TMEM17: variants seen among roughly 807,000 people sequenced by gnomAD.
TMEM17 encodes transmembrane protein 17.
TMEM17 carries 15 observed loss-of-function variants against 19.1 expected under a neutral mutation model. That is an observed-to-expected ratio of 0.78 (90% CI 0.52 to 1.21). The LOEUF (loss-of-function observed/expected upper bound fraction) is 1.21. Ranked by LOEUF, TMEM17 falls within the 50% of genes most tolerant of loss-of-function variation. The pLI, the probability that TMEM17 is intolerant of heterozygous loss-of-function variation, is 0.00. For synonymous variants in TMEM17, 103 were observed against 86.9 expected (o/e 1.19, Z -1.03); for missense variants, 245 against 242.3 (o/e 1.01, Z -0.07).
At chr2:62,478,259 T>A in the TMEM17 span, among the ~76,000 whole-genome samples, 3 of 152,204 alleles carry the variant, frequency 2.0e-5, no homozygotes, top group Non-Finnish European at 2.9e-5. Context: ...TTTTCCTGAA[T>A]CCATCTCAGT....
the TMEM17 span, among the ~76,000 whole-genome samples, chr2:62,477,144 C>A: frequency 2.6e-5 from 4 of 152,236 alleles, no homozygotes; most frequent in African/African-American, 9.6e-5. Flanking sequence ...CGCCTGTAAT[C>A]CCAGCACTTT....
downstream of TMEM17, among the ~76,000 whole-genome samples, chr2:62,495,984 T>C (rs1320374127): frequency 1.3e-5 from 2 of 152,250 alleles, no homozygotes; most frequent in Non-Finnish European, 2.9e-5. Context: ...TGTTGCTGAC[T>C]GCGACCAGCT....
Position 62,501,188 on chromosome 2 carries a change from T to G in TMEM17, c.*21A>C. ...ACAGTCTCTAGAATGATCTGTCAGA[T>G]TTTCACTCAACAACACTGGATCAGA... is the stretch of plus-strand genomic sequence containing the variant. On this transcript the variant is annotated 3_prime_UTR_variant, in exon 4 of 4. Coordinates refer to ENST00000335390, the MANE Select transcript of TMEM17 (RefSeq NM_198276.3). 1 of 1,604,500 alleles carries G rather than the reference T, an allele frequency of 6.2e-7. No individual in the cohort carries two copies. The highest frequency in any genetic ancestry group is 8.5e-7 in the Non-Finnish European group (1 of 1,173,874).
chr2:62,457,181 A>T, the TMEM17 span, among the ~76,000 whole-genome samples: 1 of 151,970 alleles, frequency 6.6e-6, no homozygotes, highest in Non-Finnish European at 1.5e-5. The surrounding 1 kb of genome is among the most constrained non-coding windows in gnomAD (Gnocchi z 4.2). Context: ...GGGATCGGCG[A>T]CCCCGGGCGC....
At chr2:62,471,742 G>C in the TMEM17 span, among the ~76,000 whole-genome samples, 363 of 152,344 alleles carry the variant, frequency 2.4e-3, 1 homozygote, top group African/African-American at 8.3e-3. Context: ...TGGGCAGGGG[G>C]CAAGGCTGAG....
At chr2:62,491,720 T>TAAG in the TMEM17 span, among the ~76,000 whole-genome samples, 1 of 152,110 alleles carries the variant, frequency 6.6e-6, no homozygotes, top group African/African-American at 2.4e-5. Context: ...GAGGAGTAAA[T>TAAG]AAGATAGCAC....
At chr2:62,460,366 C>A in the TMEM17 span, among the ~76,000 whole-genome samples, 1 of 152,186 alleles carries the variant, frequency 6.6e-6, no homozygotes, top group East Asian at 1.9e-4. Flanking sequence ...CCCACCCAAG[C>A]GTGGCTGCTG....
chr2:62,478,354 G>A, the TMEM17 span, among the ~76,000 whole-genome samples: 1 of 152,220 alleles, frequency 6.6e-6, no homozygotes, highest in Non-Finnish European at 1.5e-5. Context: ...GGAGCAACAT[G>A]TACTGCTTTG....
the TMEM17 span, among the ~76,000 whole-genome samples, chr2:62,475,500 G>A: frequency 8.5e-5 from 13 of 152,364 alleles, no homozygotes; most frequent in Admixed American, 6.5e-4. Context: ...CTCCCTGGCG[G>A]TTCTGGGTTT....
the TMEM17 span, among the ~76,000 whole-genome samples, chr2:62,457,185 C>A: frequency 1.6e-3 from 250 of 152,376 alleles, 1 homozygote; most frequent in African/African-American, 5.8e-3. This position sits in a 1 kb window ranked among gnomAD's most constrained non-coding sequence, Gnocchi z 4.2. Context: ...TCGGCGACCC[C>A]GGGCGCCGCT....
At chr2:62,491,801 G>T in the TMEM17 span, among the ~76,000 whole-genome samples, 21 of 151,544 alleles carry the variant, frequency 1.4e-4, no homozygotes, top group African/African-American at 4.4e-4. Flanking sequence ...TCTACCAAAG[G>T]GTTTTCCCAT....
At chr2:62,505,881 G>A (rs1360097278) in intron 1 of TMEM17, 149 bp downstream of exon 1, 8 of 792,798 alleles carry the variant, frequency 1.0e-5, no homozygotes, top group Non-Finnish European at 1.4e-5. Flanking sequence ...TGTCCGGCCC[G>A]GCCCCTCCTC....
At chr2:62,502,854 A>G in intron 1 of TMEM17, 60 bp from the exon 2 acceptor site, 1 of 1,003,776 alleles carries the variant, frequency 1.0e-6, no homozygotes, top group Non-Finnish European at 1.5e-6. Context: ...CTATATATAT[A>G]TATCCTATTC....
chr2:62,502,374 T>C, intron 3 of TMEM17, 63 bp downstream of exon 3: 1 of 1,198,984 alleles, frequency 8.3e-7, no homozygotes, highest in Non-Finnish European at 1.2e-6. Flanking sequence ...CACTGCCTTT[T>C]ACTTGTTATG....
the TMEM17 span, among the ~76,000 whole-genome samples, chr2:62,459,991 T>A: frequency 2.6e-5 from 4 of 152,244 alleles, no homozygotes; most frequent in Non-Finnish European, 5.9e-5. Flanking sequence ...ATGGTTTTCC[T>A]TATGCAAGCA....
chr2:62,466,184 A>G, the TMEM17 span, among the ~76,000 whole-genome samples: 1 of 152,180 alleles, frequency 6.6e-6, no homozygotes, highest in Non-Finnish European at 1.5e-5. Flanking sequence ...AAAGTTCTTC[A>G]CCAATGAGTG....
chr2:62,489,488 G>C, the TMEM17 span, among the ~76,000 whole-genome samples: 25 of 152,262 alleles, frequency 1.6e-4, no homozygotes, highest in African/African-American at 6.0e-4. Flanking sequence ...GATTGGAGTA[G>C]GCATTTTAGT....
the TMEM17 span, among the ~76,000 whole-genome samples, chr2:62,481,544 T>C: frequency 2.0e-5 from 3 of 152,182 alleles, no homozygotes; most frequent in Non-Finnish European, 4.4e-5. Flanking sequence ...CTATTCCTGG[T>C]TCAATATAAT....
downstream of TMEM17, among the ~76,000 whole-genome samples, chr2:62,499,183 TAC>T (rs1679855899): frequency 6.6e-6 from 1 of 152,196 alleles, no homozygotes; most frequent in Non-Finnish European, 1.5e-5. Flanking sequence ...TCAAACTTTT[TAC>T]AGTTTAAAAA....
Sources: allele counts gnomAD v4.1 joint callset (sites outside exome capture counted in the v4.1 genomes callset), GRCh38; gene constraint gnomAD v4.1.1; non-coding constraint Gnocchi (gnomAD v3.1); transcripts MANE v1.5; gene names NCBI Gene and HGNC (gene_info 2026-07-23, HGNC 2026-07-21).